The following SLC25A13 variants were observed in gnomAD, a reference collection of about 807,000 sequenced individuals.
SLC25A13 encodes solute carrier family 25 member 13, also known as electrogenic aspartate/glutamate antiporter SLC25A13, mitochondrial.
SLC25A13 carries 70 observed loss-of-function variants against 85.5 expected under a neutral mutation model. The ratio of observed to expected loss-of-function variants is 0.82; its 90% CI spans 0.68 to 1.00. SLC25A13 has a LOEUF of 1.00. SLC25A13 is among the 50% of genes least tolerant of loss of function. The pLI, the probability that SLC25A13 is intolerant of heterozygous loss-of-function variation, is 0.00. For missense variants in SLC25A13, 765 were observed against 819.8 expected, an observed-to-expected ratio of 0.93 and a Z score of 0.82; for synonymous variants, 259 against 288.7, an observed-to-expected ratio of 0.90 and a Z score of 1.04.
At chr7:96,229,920 G>A (rs534146024) in intron 4 of SLC25A13, among the ~76,000 whole-genome samples, 2 of 152,278 alleles carry the variant, frequency 1.3e-5, no homozygotes, top group African/African-American at 4.8e-5. Flanking sequence ...ACCAATTCCA[G>A]ACACACCATT....
intron 2 of SLC25A13, among the ~76,000 whole-genome samples, chr7:96,292,556 C>A (rs1799169484): frequency 1.3e-5 from 2 of 152,120 alleles, no homozygotes; most frequent in Admixed American, 1.3e-4. Flanking sequence ...AAATCTCCTT[C>A]AGCTGATAAG....
chr7:96,226,383 T>C (rs768924580), intron 4 of SLC25A13, among the ~76,000 whole-genome samples: 21 of 152,316 alleles, frequency 1.4e-4, no homozygotes, highest in Non-Finnish European at 2.9e-4. Flanking sequence ...ATAAATTTTC[T>C]TTACCCATTC....
intron 3 of SLC25A13, among the ~76,000 whole-genome samples, chr7:96,244,382 G>A (rs1184242232): frequency 2.0e-5 from 3 of 152,146 alleles, no homozygotes; most frequent in Admixed American, 6.5e-5. Flanking sequence ...GAAGACTCAC[G>A]ACTCCAATTA....
chr7:96,214,065 C>T (rs1459165333), intron 4 of SLC25A13, among the ~76,000 whole-genome samples: 1 of 152,178 alleles, frequency 6.6e-6, no homozygotes, highest in African/African-American at 2.4e-5. Flanking sequence ...GCTCAAGGTT[C>T]CTTTTACTTG....
chr7:96,303,532 T>C (rs1433878060), intron 1 of SLC25A13, among the ~76,000 whole-genome samples: 3 of 152,184 alleles, frequency 2.0e-5, no homozygotes, highest in Non-Finnish European at 4.4e-5. Flanking sequence ...ACCCTCCTTC[T>C]TTATCTTCCT....
intron 2 of SLC25A13, among the ~76,000 whole-genome samples, chr7:96,283,029 A>G (rs1457694139): frequency 6.6e-6 from 1 of 152,226 alleles, no homozygotes; most frequent in Non-Finnish European, 1.5e-5. Flanking sequence ...AAATATTGAA[A>G]TAACCTTCAT....
intron 1 of SLC25A13, among the ~76,000 whole-genome samples, chr7:96,313,955 T>G (rs1364933944): frequency 6.6e-6 from 1 of 152,140 alleles, no homozygotes; most frequent in Non-Finnish European, 1.5e-5. Flanking sequence ...TTGGCCAAAA[T>G]TCCTCATTGG....
At chr7:96,138,229 T>A (rs1232573099) in intron 14 of SLC25A13, among the ~76,000 whole-genome samples, 1 of 152,168 alleles carries the variant, frequency 6.6e-6, no homozygotes, top group African/African-American at 2.4e-5. Flanking sequence ...CATTTTTAGG[T>A]TAGCCGTCAG....
chr7:96,158,686 C>A (rs944851122), intron 13 of SLC25A13, among the ~76,000 whole-genome samples: 1 of 152,190 alleles, frequency 6.6e-6, no homozygotes, highest in African/African-American at 2.4e-5. Context: ...ATAGAATAGA[C>A]TTTTACTTAA....
intron 13 of SLC25A13, among the ~76,000 whole-genome samples, chr7:96,149,346 C>T (rs137864920): frequency 4.6e-5 from 7 of 152,264 alleles, no homozygotes; most frequent in East Asian, 1.9e-4. Context: ...TTCTTAGGTA[C>T]GGAATTGTCT....
In SLC25A13 at chr7:96,296,977, T is replaced by G. The variant is rs753055342; in HGVS notation, c.16-26A>C. On this transcript the variant is annotated intron_variant, in intron 1 of 17. Transcript: ENST00000265631. ...CTATAAATAAACATAAAAATGTTTA[T>G]GTTATTACAACAAAGCTGAGAAATC... 5 of 1,591,916 alleles carry G rather than the reference T, an allele frequency of 3.1e-6. No homozygotes were observed. The African/African-American group carries it at 6.7e-5, about 21-fold the overall frequency.
Position 96,242,644 on chromosome 7 carries a change from C to T in SLC25A13, c.213-7727G>A, listed in dbSNP as rs1421756226. Reference sequence around the variant, plus strand: ...AATGAACACTTTGGTCTCTACAATACCTTATCTGAACCCAGACATTTCCTT... The same window carrying T: ...AATGAACACTTTGGTCTCTACAATATCTTATCTGAACCCAGACATTTCCTT... On this transcript the variant is annotated intron_variant, in intron 3 of 17. Coordinates refer to ENST00000265631, the MANE Select transcript of SLC25A13 (RefSeq NM_014251.3). 2.0e-5 allele frequency among the ~76,000 whole-genome samples: 3 copies of T among 152,192 alleles called. No homozygotes were observed. The East Asian group carries it at 5.8e-4, about 29-fold the overall frequency.
intron 3 of SLC25A13, among the ~76,000 whole-genome samples, chr7:96,256,731 T>C (rs1369666232): frequency 6.6e-6 from 1 of 152,198 alleles, no homozygotes; most frequent in African/African-American, 2.4e-5. Context: ...AATAGACAGC[T>C]ATAGAACTCT....
chr7:96,137,636 C>A (rs530710464), intron 14 of SLC25A13, among the ~76,000 whole-genome samples: 1 of 152,014 alleles, frequency 6.6e-6, no homozygotes, highest in Non-Finnish European at 1.5e-5. Context: ...TCCACCTTTT[C>A]TTTATTTCTT....
At chr7:96,270,303 C>T (rs914525167) in intron 3 of SLC25A13, among the ~76,000 whole-genome samples, 2 of 152,140 alleles carry the variant, frequency 1.3e-5, no homozygotes, top group Non-Finnish European at 2.9e-5. Flanking sequence ...CACCTATAAT[C>T]CCAGCACTTT....
chr7:96,298,132 A>T (rs912825291), intron 1 of SLC25A13, among the ~76,000 whole-genome samples: 3 of 152,190 alleles, frequency 2.0e-5, no homozygotes, highest in Non-Finnish European at 4.4e-5. Flanking sequence ...GAACCACCCA[A>T]CACTGGACCC....
At chr7:96,267,077 G>C (rs1399971321) in intron 3 of SLC25A13, among the ~76,000 whole-genome samples, 1 of 152,154 alleles carries the variant, frequency 6.6e-6, no homozygotes, top group Non-Finnish European at 1.5e-5. Context: ...TTAGCAAATT[G>C]AAAGACCTCC....
At chr7:96,309,675 C>T (rs1026694791) in intron 1 of SLC25A13, 2 of 152,178 alleles carry the variant, frequency 1.3e-5, no homozygotes, top group Non-Finnish European at 2.9e-5. Flanking sequence ...AGGTCCTTGT[C>T]CTCAAGAGTT....
chr7:96,139,993 C>T (rs1792458160), intron 14 of SLC25A13, among the ~76,000 whole-genome samples: 1 of 114,594 alleles, frequency 8.7e-6, no homozygotes, highest in Non-Finnish European at 1.6e-5. Context: ...GAGTCTCGCT[C>T]TGTCGCCCAG....
Sources: allele counts gnomAD v4.1 joint callset (sites outside exome capture counted in the v4.1 genomes callset), GRCh38; gene constraint gnomAD v4.1.1; transcripts MANE v1.5; gene names NCBI Gene and HGNC (gene_info 2026-07-23, HGNC 2026-07-21).